Variants in PSMC2 observed in about 807,000 individuals in gnomAD.
PSMC2 encodes 26S proteasome regulatory subunit 7.
In PSMC2, 7 loss-of-function variants were observed where a neutral mutation model predicts 53.3. The observed-to-expected ratio is 0.13, with a 90% CI of 0.07 to 0.25. The LOEUF (loss-of-function observed/expected upper bound fraction) is 0.25, where lower values mean the gene tolerates loss of function less well. PSMC2 is among the 10% of genes least tolerant of loss of function. The pLI is 1.00. For missense variants in PSMC2, 241 were observed against 544.0 expected, an observed-to-expected ratio of 0.44 and a Z score of 5.54; for synonymous variants, 169 against 183.9, an observed-to-expected ratio of 0.92 and a Z score of 0.66.
chr7:103,362,579 C>A lies in PSMC2; in HGVS notation c.423-107C>A, dbSNP rs184165831. On this transcript the variant is annotated intron_variant, in intron 5 of 11. Transcript: ENST00000292644. ...CTCTTTATATAATTAGGGACTCTGT[C>A]TCTCTCTTGTTTTCTTAAAGTATGG... The A allele has an allele frequency of 1.7e-3, 2,489 of 1,437,064 alleles. 3 individuals are homozygous for A. The highest frequency in any genetic ancestry group is 2.2e-3 in the Non-Finnish European group (2,352 of 1,053,458). The allele number at this position is 1,437,064 out of a possible 1,614,324, so 89.0% of individuals were successfully genotyped here. A position where few individuals can be genotyped will look rare whatever the true frequency, so the allele number is the denominator to read the frequency against.
intron 5 of PSMC2, chr7:103,362,446 A>T (rs1252470204): frequency 1.5e-5 from 20 of 1,295,372 alleles, no homozygotes; most frequent in Admixed American, 1.1e-4. Flanking sequence ...TTAGTAAATT[A>T]AAAAAAAATC....
At position 103,354,772 on chromosome 7, in the gene PSMC2, G is replaced by C. The variant is rs1188822273; in HGVS notation, c.109-96G>C. ...CTTCACAAGCTTTGGGATAATGATA[G>C]CTATTGAAATTGTAACTTAAAAATA... On this transcript the variant is annotated intron_variant, in intron 2 of 11. Transcript: ENST00000292644. The C allele has an allele frequency of 4.0e-6, 3 of 742,334 alleles. No individual in the cohort carries two copies. In the East Asian group the frequency reaches 8.1e-5, roughly 20 times the overall value. The allele number at this position is 742,334 out of a possible 1,614,324, so 46.0% of individuals were successfully genotyped here.
chr7:103,366,307 A>G (rs1045655262), intron 9 of PSMC2, 144 bp downstream of exon 9: 18 of 680,542 alleles, frequency 2.6e-5, no homozygotes, highest in Non-Finnish European at 4.0e-5. Context: ...CAGATCTAAT[A>G]AGTAGTAGTG....
At chr7:103,348,320 T>A (rs1819649920) in intron 1 of PSMC2, among the ~76,000 whole-genome samples, 1 of 152,250 alleles carries the variant, frequency 6.6e-6, no homozygotes, top group Admixed American at 6.5e-5. Context: ...CATATCTTTT[T>A]AGACATATTC....
intron 1 of PSMC2, among the ~76,000 whole-genome samples, 158 bp from the exon 2 acceptor site, chr7:103,353,763 G>A (rs1191411668): frequency 6.6e-6 from 1 of 152,130 alleles, no homozygotes; most frequent in Non-Finnish European, 1.5e-5. Flanking sequence ...TTGAGTCCAG[G>A]AACTATTTGA....
intron 1 of PSMC2, among the ~76,000 whole-genome samples, chr7:103,351,065 C>T (rs1238851943): frequency 6.6e-6 from 1 of 152,140 alleles, no homozygotes; most frequent in Non-Finnish European, 1.5e-5. Context: ...TGGTCTTGGA[C>T]TGTATGTGCT....
In PSMC2 at chr7:103,367,059, T is replaced by C. The variant is rs1400587506; in HGVS notation, c.845-354T>C. Among the ~76,000 whole-genome samples the C allele has an allele frequency of 6.6e-6, 1 of 152,204 alleles. No homozygotes were observed. On this transcript the variant is annotated intron_variant, in intron 9 of 11. Coordinates refer to ENST00000292644, the MANE Select transcript of PSMC2 (RefSeq NM_002803.4). The surrounding 1 kb of genome is among the most constrained non-coding windows in gnomAD (Gnocchi z 6.1). ...AGGACAAGTTATTTTAACTAATCTC[T>C]GAGCCTCAGTTTGCTCATCTTATAA... is the stretch of plus-strand genomic sequence containing the variant.
chr7:103,365,041 A>G (rs1820637519), intron 8 of PSMC2, among the ~76,000 whole-genome samples: 1 of 148,642 alleles, frequency 6.7e-6, no homozygotes, highest in Non-Finnish European at 1.5e-5. Context: ...GATGATTCGT[A>G]TATTTACAAT....
chr7:103,352,985 C>T (rs1402208918), intron 1 of PSMC2: 3 of 779,796 alleles, frequency 3.8e-6, no homozygotes, highest in Non-Finnish European at 7.2e-6. Context: ...TTTTACCACT[C>T]TGTCTATTTG....
chr7:103,348,187 T>G (rs1819646456), intron 1 of PSMC2, among the ~76,000 whole-genome samples: 1 of 152,308 alleles, frequency 6.6e-6, no homozygotes, highest in Non-Finnish European at 1.5e-5. Context: ...AAAAATTATT[T>G]GACCAGATAA....
chr7:103,353,333 G>A (rs1409715038), intron 1 of PSMC2, among the ~76,000 whole-genome samples: 1 of 151,916 alleles, frequency 6.6e-6, no homozygotes, highest in Non-Finnish European at 1.5e-5. Flanking sequence ...TTGAGATGGA[G>A]TCTCTCTCGG....
intron 4 of PSMC2, among the ~76,000 whole-genome samples, chr7:103,359,409 G>T (rs1466753878): frequency 1.3e-5 from 2 of 151,944 alleles, no homozygotes; most frequent in African/African-American, 4.8e-5. Context: ...AGAAAATTGT[G>T]CATTGATCAT....
At chr7:103,366,264 A>T in intron 9 of PSMC2, 101 bp downstream of exon 9, 6 of 1,031,716 alleles carry the variant, frequency 5.8e-6, no homozygotes, top group Non-Finnish European at 8.8e-6. Context: ...TTTTAACTCC[A>T]ACTCTTCTAT....
Position 103,354,027 on chromosome 7 carries a change from C to A in PSMC2, c.108+69C>A. ...AAATAAAAACTGTTTTGGTATTGTC[C>A]TTCCAAAATAATTAGAAGAAGTTAA... On this transcript the variant is annotated intron_variant, in intron 2 of 11. Transcript: ENST00000292644. The A allele has an allele frequency of 2.5e-6, 3 of 1,198,436 alleles. No individual in the cohort carries two copies. The South Asian group carries it at 4.6e-5, about 19-fold the overall frequency. 74.2% of individuals were successfully genotyped at this position (1,198,436 alleles called of 1,614,324 possible).
At position 103,347,871 on chromosome 7, in the gene PSMC2, G is replaced by A. The variant is rs767538279; in HGVS notation, c.70+90G>A. On this transcript the variant is annotated intron_variant, in intron 1 of 11. Transcript: ENST00000292644. ...GAGAGGAGCTGGATTCCCGCTCCTG[G>A]CTCTGTGCTCTGGCCCTTTTGTGCC... 7 of 1,402,662 alleles carry A rather than the reference G, an allele frequency of 5.0e-6. No individual in the cohort carries two copies. In the Admixed American group the frequency reaches 1.2e-4, roughly 24 times the overall value. 86.9% of individuals were successfully genotyped at this position (1,402,662 alleles called of 1,614,324 possible).
intron 4 of PSMC2, among the ~76,000 whole-genome samples, chr7:103,360,403 C>T (rs537788075): frequency 1.3e-5 from 2 of 152,148 alleles, no homozygotes; most frequent in South Asian, 4.2e-4. Context: ...TCTTCCCTAG[C>T]AAACATGGTT....
At chr7:103,354,103 TAGAAA>T (rs1448932203) in intron 2 of PSMC2, 145 bp downstream of exon 2, 8 of 642,544 alleles carry the variant, frequency 1.2e-5, no homozygotes, top group Non-Finnish European at 2.0e-5. Context: ...AAGAAACAAT[TAGAAA>T]AGAATGTCTG....
intron 1 of PSMC2, chr7:103,352,628 C>T (rs1425452506): frequency 7.8e-5 from 37 of 475,760 alleles, no homozygotes; most frequent in South Asian, 5.5e-4. Flanking sequence ...TGCTCTTGAA[C>T]GCCTGGACTC....
intron 1 of PSMC2, among the ~76,000 whole-genome samples, chr7:103,349,560 T>C (rs1349617859): frequency 6.6e-6 from 1 of 152,112 alleles, no homozygotes; most frequent in Non-Finnish European, 1.5e-5. Context: ...GGGATTCTCC[T>C]GCCTCAACCT....
Sources: allele counts gnomAD v4.1 joint callset (sites outside exome capture counted in the v4.1 genomes callset), GRCh38; gene constraint gnomAD v4.1.1; non-coding constraint Gnocchi (gnomAD v3.1); transcripts MANE v1.5; gene names NCBI Gene and HGNC (gene_info 2026-07-23, HGNC 2026-07-21).